The following MYLK4 variants were observed in gnomAD, a reference collection of about 807,000 sequenced individuals.
The protein encoded by MYLK4 is caMLCK like.
In MYLK4, 46 loss-of-function variants were observed where a neutral mutation model predicts 48.1. The observed-to-expected ratio is 0.96, with a 90% CI of 0.75 to 1.22. The LOEUF is 1.22. Ranked by LOEUF, MYLK4 falls within the 50% of genes most tolerant of loss-of-function variation. The probability of loss-of-function intolerance (pLI) is 0.00; values close to 1 mark genes in which losing one functional copy is unlikely to be tolerated. For synonymous variants in MYLK4, 170 were observed against 180.8 expected, an observed-to-expected ratio of 0.94 and a Z score of 0.48; for missense variants, 451 against 486.1, an observed-to-expected ratio of 0.93 and a Z score of 0.68.
At chr6:2,759,761 T>G in the MYLK4 span, among the ~76,000 whole-genome samples, 21 of 152,360 alleles carry the variant, frequency 1.4e-4, no homozygotes, top group African/African-American at 5.0e-4. Flanking sequence ...ATGGTGCTGG[T>G]TTGAGGGCAA....
chr6:2,757,165 A>C, the MYLK4 span, among the ~76,000 whole-genome samples: 2 of 152,052 alleles, frequency 1.3e-5, no homozygotes, highest in East Asian at 3.9e-4. Flanking sequence ...TTAAAGATAA[A>C]AGTTGTATTT....
chr6:2,702,053 C>A lies in MYLK4; in HGVS notation c.160-9194G>T, dbSNP rs76728081. On this transcript the variant is annotated intron_variant, in intron 2 of 12. Coordinates refer to ENST00000274643, the MANE Select transcript of MYLK4 (RefSeq NM_001012418.5). Reference sequence around the variant, plus strand: ...GAGTCGAGACAGCATTCACTGGGGGCCGCATGCCGCTGGCCTTGCTGGCAG... The same window carrying A: ...GAGTCGAGACAGCATTCACTGGGGGACGCATGCCGCTGGCCTTGCTGGCAG... Among the ~76,000 whole-genome samples, 397 of 152,298 alleles carry A rather than the reference C, an allele frequency of 2.6e-3. 11 individuals carry two copies. In the East Asian group the frequency reaches 0.07, roughly 27 times the overall value.
chr6:2,713,745 C>T (rs564422394), intron 2 of MYLK4, among the ~76,000 whole-genome samples: 1 of 152,324 alleles, frequency 6.6e-6, no homozygotes, highest in South Asian at 2.1e-4. Context: ...CCAGGTGGTA[C>T]AGCCAGTACC....
rs185502456 is a variant in MYLK4 at position 2,673,541 on chromosome 6, C to T, written c.1119+1506G>A. On this transcript the variant is annotated intron_variant, in intron 11 of 12. Transcript: ENST00000274643. The surrounding 1 kb of genome is among the most constrained non-coding windows in gnomAD (Gnocchi z 4.2). The stretch of plus-strand genomic sequence containing the variant: ...GGAGCAAAGGTGGAAGAAACAAAAA[C>T]GTATCAAACCCATGCTATACCAGGG... Among the ~76,000 whole-genome samples, 11 of 152,234 alleles carry T rather than the reference C, an allele frequency of 7.2e-5. No individual in the cohort carries two copies. The East Asian group carries it at 7.7e-4, about 11-fold the overall frequency.
chr6:2,682,537 T>C (rs937735845), intron 7 of MYLK4, among the ~76,000 whole-genome samples: 1 of 152,114 alleles, frequency 6.6e-6, no homozygotes, highest in Non-Finnish European at 1.5e-5. Context: ...GCATTCTCCA[T>C]AGGATTCTAT....
At chr6:2,763,453 C>G in the MYLK4 span, among the ~76,000 whole-genome samples, 7 of 152,334 alleles carry the variant, frequency 4.6e-5, no homozygotes, top group African/African-American at 1.7e-4. Flanking sequence ...TCAGGCATGG[C>G]AGGCCTGAGC....
chr6:2,766,046 A>T, the MYLK4 span: 1 of 1,297,052 alleles, frequency 7.7e-7, no homozygotes, highest in Non-Finnish European at 9.7e-7. Context: ...GTCGGGGAAG[A>T]GGCCGGCGGC....
rs1387567724 is a variant in MYLK4, at chr6:2,718,676, C to T, written c.160-25817G>A. On this transcript the variant is annotated intron_variant, in intron 2 of 12. Transcript: ENST00000274643. ...TCTTTATGTATAATATTTAATCCAC[C>T]AGGCATAGAGCTCTGTTTCTAGAAG... Among the ~76,000 whole-genome samples, 4 of 152,282 alleles carry T rather than the reference C, an allele frequency of 2.6e-5. No homozygotes were observed. The East Asian group carries it at 7.7e-4, about 29-fold the overall frequency.
At chr6:2,720,106 T>A (rs953374014) in intron 2 of MYLK4, among the ~76,000 whole-genome samples, 82 of 152,022 alleles carry the variant, frequency 5.4e-4, no homozygotes, top group African/African-American at 1.5e-3. Context: ...ACATTTTTTT[T>A]AAAAAAGCAG....
At chr6:2,765,541 G>T in the MYLK4 span, 26 of 1,349,156 alleles carry the variant, frequency 1.9e-5, no homozygotes, top group Non-Finnish European at 9.4e-7. Context: ...GCGGCGCGGG[G>T]CCTAGCGGAG....
intron 12 of MYLK4, 112 bp downstream of exon 12, chr6:2,671,164 G>C: frequency 1.4e-6 from 1 of 740,466 alleles, no homozygotes; most frequent in Non-Finnish European, 2.2e-6. Context: ...CTCCACGCCA[G>C]CCAAAACGCT....
At chr6:2,744,244 G>T (rs1200905085) in intron 2 of MYLK4, 7 of 375,974 alleles carry the variant, frequency 1.9e-5, no homozygotes, top group Non-Finnish European at 3.3e-5. Context: ...GGAAAAATAC[G>T]ATGGCCTTGT....
intron 1 of MYLK4, among the ~76,000 whole-genome samples, chr6:2,750,370 A>G (rs1764253658): frequency 6.6e-6 from 1 of 152,234 alleles, no homozygotes; most frequent in East Asian, 1.9e-4. Flanking sequence ...TTACATTCAA[A>G]CAAATAAAAA....
rs545875189 is a variant in MYLK4 at position 2,725,599 on chromosome 6, G to C, written c.159+23537C>G. Among the ~76,000 whole-genome samples the C allele has an allele frequency of 1.7e-3, 238 of 142,156 alleles. 1 individual carries two copies. Among genetic ancestry groups the C allele is most frequent in the East Asian group, 8.0e-3 (40 of 5,028 alleles). 93.3% of individuals were successfully genotyped at this position (142,156 alleles called of 152,430 possible). Reference sequence around the variant, plus strand: ...AGAAAAAGAAAGAGAAAGAAAGAAAGAAAGAAACAAACAAACAAACAAAGA... The same window carrying C: ...AGAAAAAGAAAGAGAAAGAAAGAAACAAAGAAACAAACAAACAAACAAAGA... On this transcript the variant is annotated intron_variant, in intron 2 of 12. Coordinates refer to ENST00000274643, the MANE Select transcript of MYLK4 (RefSeq NM_001012418.5).
chr6:2,715,473 C>T lies in MYLK4; in HGVS notation c.160-22614G>A, dbSNP rs559423987. On this transcript the variant is annotated intron_variant, in intron 2 of 12. Transcript: ENST00000274643. ...ATTTCATCTATGTTGCTGTTTGGAA[C>T]CTTTCTGAGAAGAAAATTGGCTGAT... 3.9e-4 allele frequency among the ~76,000 whole-genome samples: 59 copies of T among 152,254 alleles called. 2 individuals carry two copies. In the South Asian group the frequency reaches 0.012, roughly 31 times the overall value.
intron 2 of MYLK4, among the ~76,000 whole-genome samples, chr6:2,709,306 T>A (rs1390558983): frequency 1.3e-5 from 2 of 152,248 alleles, no homozygotes; most frequent in Non-Finnish European, 2.9e-5. Context: ...TCATTTTACA[T>A]CAACATCTTA....
chr6:2,765,016 C>A, the MYLK4 span, among the ~76,000 whole-genome samples: 1 of 152,164 alleles, frequency 6.6e-6, no homozygotes, highest in Non-Finnish European at 1.5e-5. Context: ...TCCCCACAGG[C>A]CCATTCAACA....
chr6:2,766,206 A>T, the MYLK4 span: 24 of 1,447,912 alleles, frequency 1.7e-5, no homozygotes, highest in South Asian at 3.2e-4. Context: ...GACGCTGCCG[A>T]AGCCGCCACC....
intron 2 of MYLK4, among the ~76,000 whole-genome samples, chr6:2,705,919 GA>G (rs5873837): frequency 0.67 from 96,807 of 144,536 alleles, 31,980 homozygotes; most frequent in East Asian, 0.73. Context: ...GAATTCGGGG[GA>G]AAAAAAAAAA....
Sources: allele counts gnomAD v4.1 joint callset (sites outside exome capture counted in the v4.1 genomes callset), GRCh38; gene constraint gnomAD v4.1.1; non-coding constraint Gnocchi (gnomAD v3.1); transcripts MANE v1.5; gene names NCBI Gene and HGNC (gene_info 2026-07-23, HGNC 2026-07-21).